The following GRIP1 variants were observed in gnomAD, a reference collection of about 807,000 sequenced individuals.
GRIP1 encodes glutamate receptor-interacting protein 1.
A neutral mutation model predicts 129.9 loss-of-function variants in GRIP1; 45 were observed. That is an observed-to-expected ratio of 0.35 (90% confidence interval 0.27 to 0.44). The LOEUF is 0.44. Ranked by LOEUF, GRIP1 falls within the 20% of genes least tolerant of loss-of-function variation. The pLI is 1.00. For missense variants in GRIP1, 1,196 were observed against 1,396.8 expected, an observed-to-expected ratio of 0.86 and a Z score of 2.29; for synonymous variants, 530 against 520.8, an observed-to-expected ratio of 1.02 and a Z score of -0.24.
At chr12:66,450,598 T>C (rs1160032285) in intron 11 of GRIP1, among the ~76,000 whole-genome samples, 1 of 151,666 alleles carries the variant, frequency 6.6e-6, no homozygotes, top group African/African-American at 2.4e-5. Flanking sequence ...TTATGTATTA[T>C]GTATTGGTTT....
chr12:66,585,348 C>T lies in GRIP1; in HGVS notation c.136+11499G>A, dbSNP rs1203934361. ...ATTCCCACCTATGAGTGAGAATATG[C>T]GGTGTTTGGTTTTTTGTTCTTGCGA... On this transcript the variant is annotated intron_variant, in intron 2 of 24. Coordinates refer to ENST00000359742, the MANE Select transcript of GRIP1 (RefSeq NM_001366722.1). Among the ~76,000 whole-genome samples, 18 of 131,840 alleles carry T rather than the reference C, an allele frequency of 1.4e-4. No homozygotes were observed. In the East Asian group the frequency reaches 1.8e-3, roughly 13 times the overall value. The allele number at this position is 131,840 out of a possible 152,430, so 86.5% of individuals were successfully genotyped here.
intron 1 of GRIP1, among the ~76,000 whole-genome samples, chr12:66,862,688 T>C (rs2040133358): frequency 6.6e-6 from 1 of 152,038 alleles, no homozygotes; most frequent in Non-Finnish European, 1.5e-5. Flanking sequence ...AAAATTGACC[T>C]TTCCAGCTGT....
At chr12:66,953,581 G>A (rs2041794176) in intron 1 of GRIP1, among the ~76,000 whole-genome samples, 1 of 152,108 alleles carries the variant, frequency 6.6e-6, no homozygotes, top group East Asian at 1.9e-4. Flanking sequence ...ATTCTGCTCA[G>A]CAAAATAATA....
At chr12:67,030,211 A>AAATAATAATAATAATAAT (rs67187831) in intron 1 of GRIP1, among the ~76,000 whole-genome samples, 3 of 145,544 alleles carry the variant, frequency 2.1e-5, no homozygotes, top group African/African-American at 7.5e-5. Flanking sequence ...ACTCTGTCTC[A>AAATAATAATAATAATAAT]AATAATAATA....
intron 1 of GRIP1, among the ~76,000 whole-genome samples, chr12:66,840,690 C>T (rs1566046830): frequency 1.3e-5 from 2 of 152,290 alleles, no homozygotes; most frequent in South Asian, 2.1e-4. Flanking sequence ...CTGAAACCTA[C>T]TGAACTCCTA....
intron 1 of GRIP1, among the ~76,000 whole-genome samples, chr12:66,993,046 G>A (rs939859012): frequency 2.6e-5 from 4 of 151,688 alleles, no homozygotes; most frequent in Non-Finnish European, 4.4e-5. Context: ...CCCAGGAGGC[G>A]GACATTGCAG....
chr12:66,535,329 G>A (rs1314030985), intron 4 of GRIP1, among the ~76,000 whole-genome samples: 2 of 151,638 alleles, frequency 1.3e-5, no homozygotes, highest in Non-Finnish European at 2.9e-5. Context: ...GTTTGAGAGA[G>A]TAATTTCAAA....
chr12:66,918,444 T>C (rs2041162559), intron 1 of GRIP1, among the ~76,000 whole-genome samples: 1 of 152,134 alleles, frequency 6.6e-6, no homozygotes, highest in Non-Finnish European at 1.5e-5. Flanking sequence ...ATGAGAACAC[T>C]AGAATAATGT....
At chr12:66,636,866 A>G (rs2031446669) in intron 1 of GRIP1, among the ~76,000 whole-genome samples, 1 of 152,162 alleles carries the variant, frequency 6.6e-6, no homozygotes, top group Non-Finnish European at 1.5e-5. Flanking sequence ...CCTTGATCTC[A>G]GACTTTCCAG....
At chr12:66,525,914 G>A (rs1345424927) in intron 5 of GRIP1, among the ~76,000 whole-genome samples, 1 of 151,894 alleles carries the variant, frequency 6.6e-6, no homozygotes, top group Admixed American at 6.6e-5. Context: ...CAAATCATGA[G>A]TTAACTCCCA....
intron 1 of GRIP1, among the ~76,000 whole-genome samples, chr12:66,677,818 T>C (rs1439495694): frequency 6.6e-6 from 1 of 152,166 alleles, no homozygotes; most frequent in Non-Finnish European, 1.5e-5. Context: ...CTGCTGGTGA[T>C]CAAAGAATTC....
chr12:66,826,151 G>A (rs2039408223), intron 1 of GRIP1, among the ~76,000 whole-genome samples: 1 of 151,838 alleles, frequency 6.6e-6, no homozygotes, highest in Non-Finnish European at 1.5e-5. Context: ...GGTTCAGGCA[G>A]GGGACATGGA....
At chr12:66,681,360 G>A (rs948938095), upstream of GRIP1, among the ~76,000 whole-genome samples, 1 of 152,100 alleles carries the variant, frequency 6.6e-6, no homozygotes, top group East Asian at 1.9e-4. Flanking sequence ...CCTAATGCAA[G>A]CTTAGCCTCC....
At chr12:66,842,621 C>T (rs2039740691) in intron 1 of GRIP1, among the ~76,000 whole-genome samples, 1 of 152,070 alleles carries the variant, frequency 6.6e-6, no homozygotes, top group African/African-American at 2.4e-5. Flanking sequence ...GGATAAGAAA[C>T]TAGAAAAGTC....
chr12:66,789,894 T>C (rs2038474927), intron 1 of GRIP1, among the ~76,000 whole-genome samples: 1 of 152,098 alleles, frequency 6.6e-6, no homozygotes, highest in Admixed American at 6.6e-5. Context: ...AGCAGAAAAG[T>C]TTCTATCTTA....
chr12:66,361,745 T>A (rs2054780774), intron 23 of GRIP1, among the ~76,000 whole-genome samples: 1 of 152,214 alleles, frequency 6.6e-6, no homozygotes, highest in Admixed American at 6.5e-5. Flanking sequence ...CAGCCTCTGC[T>A]TTCTAGCTCC....
intron 1 of GRIP1, among the ~76,000 whole-genome samples, chr12:67,000,488 G>A (rs149995455): frequency 7.0e-4 from 106 of 152,194 alleles, no homozygotes; most frequent in African/African-American, 2.5e-3. Context: ...TCTTTCAAAT[G>A]CCATCCCTTT....
chr12:66,800,583 C>T (rs545326718), intron 1 of GRIP1, among the ~76,000 whole-genome samples: 1 of 152,152 alleles, frequency 6.6e-6, no homozygotes, highest in Non-Finnish European at 1.5e-5. Flanking sequence ...AATAAAAATA[C>T]ACATGACAAT....
At chr12:66,444,343 G>C in intron 13 of GRIP1, among the ~76,000 whole-genome samples, 1 of 151,222 alleles carries the variant, frequency 6.6e-6, no homozygotes, top group South Asian at 2.1e-4. Flanking sequence ...AAAATTAGCC[G>C]GGCGCGGTGG....
Sources: gnomAD v4.1 joint callset for allele counts (sites outside exome capture counted in the v4.1 genomes callset) on GRCh38, gnomAD v4.1.1 for gene constraint, MANE v1.5 for transcripts, NCBI Gene and HGNC (gene_info 2026-07-23, HGNC 2026-07-21) for gene names.